Variants in USP42 observed in about 807,000 individuals in gnomAD.
USP42 encodes the protein ubiquitin carboxyl-terminal hydrolase 42.
A neutral mutation model predicts 113.0 loss-of-function variants in USP42; 23 were observed. The observed-to-expected ratio is 0.20, with a 90% CI of 0.15 to 0.29. The LOEUF (loss-of-function observed/expected upper bound fraction) is 0.29. Ranked by LOEUF, USP42 falls within the 10% of genes least tolerant of loss-of-function variation. The pLI is 1.00. For synonymous variants in USP42, 933 were observed against 699.0 expected (o/e 1.33, Z -5.28); for missense variants, 2,174 against 1,779.8 (o/e 1.22, Z -3.99).
At chr7:6,125,747 C>T (rs60892137) in intron 3 of USP42, among the ~76,000 whole-genome samples, 8,987 of 149,734 alleles carry the variant, frequency 0.06, 381 homozygotes, top group African/African-American at 0.12. Context: ...GGTATTTTTC[C>T]TTACTTTTGT....
In USP42 at chr7:6,115,420, C is replaced by T. The variant is rs750508906; in HGVS notation, c.339C>T (p.Leu113=). The part of the protein sequence containing the change: ...WQQTHRVGAG[L]QNLGNTCFAN... The stretch of plus-strand genomic sequence containing the variant: ...AAACTCATAGAGTTGGAGCTGGGCT[C>T]CAGAATTTGGGCAATACCTGTTTTG... The change falls in exon 3 of 18, where the codon CTC becomes CTT. Residue 113 remains leucine (L), a synonymous_variant. Coordinates refer to ENST00000306177, the MANE Select transcript of USP42 (RefSeq NM_032172.3). 1.2e-6 allele frequency: 2 copies of T among 1,614,060 alleles called. No homozygotes were observed. The highest frequency in any genetic ancestry group is 2.2e-5 in the South Asian group (2 of 91,088).
At chr7:6,150,599 T>G in intron 14 of USP42, 93 bp downstream of exon 14, 1 of 1,071,368 alleles carries the variant, frequency 9.3e-7, no homozygotes, top group Non-Finnish European at 1.4e-6. Flanking sequence ...TGTAGAAATT[T>G]TATAATGAAC....
Position 6,134,599 on chromosome 7 carries a change from C to T in USP42, c.443-1242C>T, listed in dbSNP as rs368914006. 1.1e-3 allele frequency among the ~76,000 whole-genome samples: 166 copies of T among 152,196 alleles called. 1 individual carries two copies. Among genetic ancestry groups the T allele is most frequent in the African/African-American group, 3.8e-3 (156 of 41,524 alleles). On this transcript the variant is annotated intron_variant, in intron 3 of 17. Coordinates refer to ENST00000306177, the MANE Select transcript of USP42 (RefSeq NM_032172.3). ...TGACTCTTTGCTGGGAGGGGCTGTCCGGTGCATTCGAGGCTGTTGAGCGGC... is the reference window on the plus strand; with the variant it reads ...TGACTCTTTGCTGGGAGGGGCTGTCTGGTGCATTCGAGGCTGTTGAGCGGC...
chr7:6,137,129 A>G lies in USP42; in HGVS notation c.553+1178A>G, dbSNP rs1330323807. On this transcript the variant is annotated intron_variant, in intron 4 of 17. Coordinates refer to ENST00000306177, the MANE Select transcript of USP42 (RefSeq NM_032172.3). Reference sequence around the variant, plus strand: ...ATAAAAAATGCATACAAACAAAACTATAACTCTTAATCTGGCATCTAACTG... The same window carrying G: ...ATAAAAAATGCATACAAACAAAACTGTAACTCTTAATCTGGCATCTAACTG... Among the ~76,000 whole-genome samples the G allele has an allele frequency of 3.3e-5, 5 of 152,258 alleles. No homozygotes were observed. In the South Asian group the frequency reaches 8.3e-4, roughly 25 times the overall value.
In USP42 at chr7:6,149,817, C is replaced by G. The variant is rs1202705575; in HGVS notation, c.1621C>G (p.Leu541Val). Residue 541 changes from leucine (L) to valine (V), a missense_variant, in exon 13 of 18, where the codon CTT (leucine) becomes GTT (valine). Transcript: ENST00000306177. ...PVRQCQSQPNLHSNSLENPTK... is the reference protein window; with the variant it reads ...PVRQCQSQPNVHSNSLENPTK... ...TCGCCAGTGTCAGTCTCAACCTAAC[C>G]TTCATAGTAATTCTTTGGAGAACCC... 1 of 1,614,030 alleles carries G rather than the reference C, an allele frequency of 6.2e-7. No homozygotes were observed. The highest frequency in any genetic ancestry group is 8.5e-7 in the Non-Finnish European group (1 of 1,179,906).
In USP42 at chr7:6,154,125, G is replaced by T. The variant is rs777016423; in HGVS notation, c.2571G>T (p.Pro857=). ...CGGAAGCCCCGGAAGGGTTGAGTCC[G>T]GCTCCGCCTGCGCGGTCGGAGGAGC... The part of the protein sequence containing the change: ...ALAEAPEGLS[P]APPARSEEPC... Residue 857 remains proline, a synonymous_variant, in exon 15 of 18, where the codon CCG becomes CCT. Transcript: ENST00000306177. 6.3e-7 allele frequency: 1 copy of T among 1,599,838 alleles called. No homozygotes were observed. The highest frequency in any genetic ancestry group is 2.2e-5 in the East Asian group (1 of 44,670).
At chr7:6,156,114 G>T (rs116539776) in intron 15 of USP42, among the ~76,000 whole-genome samples, 266 of 152,308 alleles carry the variant, frequency 1.7e-3, no homozygotes, top group African/African-American at 6.1e-3. Context: ...TGAGATGGAT[G>T]AGCAGGAGCA....
chr7:6,135,291 C>T (rs1006239262), intron 3 of USP42, among the ~76,000 whole-genome samples: 1 of 152,134 alleles, frequency 6.6e-6, no homozygotes, highest in African/African-American at 2.4e-5. Flanking sequence ...CTTTTAAACT[C>T]TCTGAGCTTT....
At chr7:6,108,712 C>T (rs1223440721) in intron 1 of USP42, among the ~76,000 whole-genome samples, 1 of 152,152 alleles carries the variant, frequency 6.6e-6, no homozygotes, top group Non-Finnish European at 1.5e-5. Context: ...ATCTCCTGAC[C>T]TCGTGATCCA....
intron 14 of USP42, among the ~76,000 whole-genome samples, chr7:6,152,112 A>G (rs1220112047): frequency 6.6e-6 from 1 of 152,234 alleles, no homozygotes; most frequent in Non-Finnish European, 1.5e-5. Context: ...TTTGTCATGC[A>G]GCGTCAGTGG....
At position 6,157,060 on chromosome 7, in the gene USP42, G is replaced by A. The variant is rs746290314; in HGVS notation, c.3943+5G>A. ...GTCTCTTTGAGTATGGCCAGGGTAA[G>A]AGGAGATACTTGGAATTAGGAAGAT... On this transcript the variant is annotated splice_donor_5th_base_variant and intron_variant, in intron 16 of 17. Coordinates refer to ENST00000306177, the MANE Select transcript of USP42 (RefSeq NM_032172.3). This position sits in a 1 kb window ranked among gnomAD's most constrained non-coding sequence, Gnocchi z 4.1. 9.5e-6 allele frequency: 15 copies of A among 1,575,704 alleles called. No individual in the cohort carries two copies. Among genetic ancestry groups the A allele is most frequent in the Non-Finnish European group, 1.0e-5 (12 of 1,165,166 alleles).
chr7:6,144,686 G>A (rs1781609394), intron 9 of USP42, among the ~76,000 whole-genome samples: 2 of 152,170 alleles, frequency 1.3e-5, no homozygotes, highest in Admixed American at 6.5e-5. Context: ...TCTGGCGAAC[G>A]TGGCAAAGCC....
At chr7:6,118,338 A>G (rs1780027004) in intron 3 of USP42, among the ~76,000 whole-genome samples, 1 of 152,150 alleles carries the variant, frequency 6.6e-6, no homozygotes. Context: ...TTTGGGCAAC[A>G]TGGTGAAACC....
Position 6,153,579 on chromosome 7 carries a change from C to T in USP42, c.2202-177C>T, listed in dbSNP as rs138390576. ...AGCACACCAGCATGGCACACGTATA[C>T]ATATGTAACTAACCTGCACATTGTG... On this transcript the variant is annotated intron_variant, in intron 14 of 17. Transcript: ENST00000306177. Among the ~76,000 whole-genome samples, 125 of 152,302 alleles carry T rather than the reference C, an allele frequency of 8.2e-4. 3 individuals carry two copies. The East Asian group carries it at 0.018, about 23-fold the overall frequency.
the USP42 span, among the ~76,000 whole-genome samples, chr7:6,090,506 G>C: frequency 6.8e-6 from 1 of 146,416 alleles, no homozygotes. Context: ...ACTGAGGTCA[G>C]GAGTTTGAGA....
rs193181379 is a variant in USP42, at chr7:6,128,618, C to G, written c.443-7223C>G. Among the ~76,000 whole-genome samples the G allele has an allele frequency of 4.5e-3, 679 of 152,166 alleles. 3 individuals carry two copies. Among genetic ancestry groups the G allele is most frequent in the Non-Finnish European group, 7.1e-3 (485 of 67,984 alleles). ...TCTCTGCTGCTCTAGGCTGGGTGTC[C>G]TTCACCCTCATTTATTTAGAACATT... On this transcript the variant is annotated intron_variant, in intron 3 of 17. Coordinates refer to ENST00000306177, the MANE Select transcript of USP42 (RefSeq NM_032172.3).
intron 2 of USP42, among the ~76,000 whole-genome samples, chr7:6,112,757 CGTTAGT>C (rs962865956): frequency 5.9e-5 from 9 of 151,832 alleles, no homozygotes; most frequent in Non-Finnish European, 1.2e-4. Context: ...CATTAGCTGT[CGTTAGT>C]GTTAGTGTTA....
chr7:6,102,545 G>A (rs1186382258), upstream of USP42, among the ~76,000 whole-genome samples: 4 of 150,426 alleles, frequency 2.7e-5, no homozygotes, highest in Admixed American at 6.6e-5. Flanking sequence ...AGGATCCCTT[G>A]AGGCCAGGGG....
intron 10 of USP42, 89 bp downstream of exon 10, chr7:6,145,745 T>C (rs1298332480): frequency 1.4e-6 from 2 of 1,426,824 alleles, no homozygotes; most frequent in Admixed American, 2.1e-5. Flanking sequence ...GGTGGAACTT[T>C]TACAGTTAAA....
Sources: allele counts gnomAD v4.1 joint callset (sites outside exome capture counted in the v4.1 genomes callset), GRCh38; gene constraint gnomAD v4.1.1; non-coding constraint Gnocchi (gnomAD v3.1); transcripts MANE v1.5; gene names NCBI Gene and HGNC (gene_info 2026-07-23, HGNC 2026-07-21).